MARCHF2: variants seen among roughly 807,000 people sequenced by gnomAD.
MARCHF2 encodes the protein membrane associated ring-CH-type finger 2.
Under a neutral mutation model 24.0 loss-of-function variants are expected in MARCHF2, and 22 were observed. That is an observed-to-expected ratio of 0.92 (90% CI 0.66 to 1.31). The LOEUF is 1.31. Among genes scored for constraint, MARCHF2 ranks in the 50% most tolerant of loss-of-function variants. The probability of loss-of-function intolerance (pLI) is 0.00; values close to 1 mark genes in which losing one functional copy is unlikely to be tolerated. For missense variants in MARCHF2, 301 were observed against 335.3 expected (o/e 0.90, Z 0.80); for synonymous variants, 154 against 153.0 (o/e 1.01, Z -0.05).
At chr19:8,422,285 TA>T (rs1967268131) in intron 2 of MARCHF2, among the ~76,000 whole-genome samples, 1 of 152,028 alleles carries the variant, frequency 6.6e-6, no homozygotes, top group South Asian at 2.1e-4. Flanking sequence ...GGAGGCAGTA[TA>T]GGGGGCGGTC....
intron 2 of MARCHF2, among the ~76,000 whole-genome samples, chr19:8,426,156 G>A (rs902824989): frequency 4.0e-5 from 6 of 150,890 alleles, no homozygotes; most frequent in South Asian, 2.1e-4. Flanking sequence ...GCGTGAACCC[G>A]GGAGGCGGAG....
intron 4 of MARCHF2, among the ~76,000 whole-genome samples, chr19:8,432,554 C>T (rs550931966): frequency 6.6e-5 from 10 of 151,678 alleles, no homozygotes; most frequent in African/African-American, 2.2e-4. Context: ...TTTAGGAGGC[C>T]GAGGTGGGAA....
intron 4 of MARCHF2, among the ~76,000 whole-genome samples, chr19:8,437,200 C>T (rs59294744): frequency 6.6e-6 from 1 of 151,678 alleles, no homozygotes; most frequent in Admixed American, 6.6e-5. Context: ...GGCTGGCCTT[C>T]GACTCCTGAG....
chr19:8,419,662 A>C (rs984197392), intron 1 of MARCHF2, among the ~76,000 whole-genome samples: 6 of 149,238 alleles, frequency 4.0e-5, no homozygotes, highest in Admixed American at 3.4e-4. Flanking sequence ...TAAAAATAGA[A>C]AAAATTAGCC....
intron 3 of MARCHF2, among the ~76,000 whole-genome samples, chr19:8,429,905 C>T (rs1472035618): frequency 6.7e-6 from 1 of 148,886 alleles, no homozygotes; most frequent in African/African-American, 2.5e-5. Flanking sequence ...GGCCCTGGAG[C>T]AAGACTTCCC....
rs200360606 is a variant in MARCHF2, at chr19:8,438,468, G to A, written c.663G>A (p.Ala221=). The A allele has an allele frequency of 8.1e-6, 13 of 1,613,988 alleles. No homozygotes were observed. The highest frequency in any genetic ancestry group is 1.1e-5 in the Non-Finnish European group (13 of 1,180,022). Residue 221 remains alanine (A), a synonymous_variant, in exon 5 of 5, where the codon GCG becomes GCA. Transcript: ENST00000215555. ...AAGTTCGCCTGAAGATCCGGGAGGC[G>A]GACAGCCCCGAGGGCCCCCAGCATT... The part of the protein sequence containing the change: ...NQKVRLKIRE[A]DSPEGPQHSP...
chr19:8,415,136 T>C (rs144441184), intron 1 of MARCHF2, among the ~76,000 whole-genome samples: 7,120 of 152,270 alleles, frequency 0.047, 205 homozygotes, highest in Middle Eastern at 0.14. Flanking sequence ...TGGTGGCTCA[T>C]GCCTGTAATC....
rs35027764 is a variant in MARCHF2, at chr19:8,435,828, CTGTGTGTGTGTGTGTGTG to C, written c.583-2539_583-2522del. Among the ~76,000 whole-genome samples the C allele has an allele frequency of 3.5e-5, 5 of 141,068 alleles. No individual in the cohort carries two copies. In the South Asian group the frequency reaches 9.5e-4, roughly 27 times the overall value. 92.5% of individuals were successfully genotyped at this position (141,068 alleles called of 152,430 possible). A position where few individuals can be genotyped will look rare whatever the true frequency, so the allele number is the denominator to read the frequency against. On this transcript the variant is annotated intron_variant, in intron 4 of 4. Transcript: ENST00000215555. ...ATAGGTGTGAGCCACTGCACCTGGC[CTGTGTGTGTGTGTGTGTG>C]TGTGTGTGTGTGTGTGTGTGGCGGG...
At chr19:8,416,232 C>T (rs1378851552) in intron 1 of MARCHF2, among the ~76,000 whole-genome samples, 1 of 151,404 alleles carries the variant, frequency 6.6e-6, no homozygotes, top group Non-Finnish European at 1.5e-5. Context: ...ATCCCAGCTA[C>T]TCGGGAGGCT....
At chr19:8,415,752 A>C (rs1317176882) in intron 1 of MARCHF2, among the ~76,000 whole-genome samples, 1 of 146,448 alleles carries the variant, frequency 6.8e-6, no homozygotes, top group East Asian at 2.2e-4. Context: ...AACAAAAAAA[A>C]AAACCAGACA....
intron 1 of MARCHF2, among the ~76,000 whole-genome samples, chr19:8,414,168 C>T (rs1967018987): frequency 6.6e-6 from 1 of 152,152 alleles, no homozygotes; most frequent in Non-Finnish European, 1.5e-5. Context: ...TGTGACCTCT[C>T]ATCAACAACT....
At chr19:8,421,382 C>CTTTTTTTTTTTTTTT (rs1254772289) in intron 1 of MARCHF2, among the ~76,000 whole-genome samples, 93 of 111,616 alleles carry the variant, frequency 8.3e-4, no homozygotes, top group South Asian at 1.5e-3. Context: ...TCTTTCTTTT[C>CTTTTTTTTTTTTTTT]TTTTTTTTTT....
At position 8,426,754 on chromosome 19, in the gene MARCHF2, C is replaced by G. The variant is rs1284453543; in HGVS notation, c.322C>G (p.Leu108Val). The change falls in exon 3 of 5, where the codon CTG (leucine) becomes GTG (valine). Residue 108 changes from leucine (L) to valine (V), a missense_variant. Leu to Val is a conservative substitution (Grantham distance 32, BLOSUM62 1). Coordinates refer to ENST00000215555, the MANE Select transcript of MARCHF2 (RefSeq NM_001005415.2). ...CTCATCTAACACCAGCTACTGCGAG[C>G]TGTGCCACACGGAGTTTGCAGTGGA... Reference protein sequence around the residue: ...LSSSNTSYCELCHTEFAVEKR... With the variant: ...LSSSNTSYCEVCHTEFAVEKR... 6.2e-6 allele frequency: 10 copies of G among 1,612,528 alleles called. No homozygotes were observed. In the Admixed American group the frequency reaches 1.5e-4, roughly 24 times the overall value.
chr19:8,420,195 A>ATAAT (rs1189423022), intron 1 of MARCHF2, among the ~76,000 whole-genome samples: 6 of 147,368 alleles, frequency 4.1e-5, no homozygotes, highest in South Asian at 4.3e-4. Context: ...AAATAAATAA[A>ATAAT]TAATTAGCTG....
At chr19:8,428,558 G>A (rs1445934466) in intron 3 of MARCHF2, among the ~76,000 whole-genome samples, 1 of 144,566 alleles carries the variant, frequency 6.9e-6, no homozygotes, top group Non-Finnish European at 1.5e-5. Flanking sequence ...GCTGAGGCAG[G>A]AGAATCACTT....
chr19:8,419,465 G>C (rs1253916432), intron 1 of MARCHF2, among the ~76,000 whole-genome samples: 1 of 151,658 alleles, frequency 6.6e-6, no homozygotes, highest in Non-Finnish European at 1.5e-5. Context: ...TTGCACTCCA[G>C]CCTGGGCAAC....
chr19:8,417,644 G>T (rs1599698630), intron 1 of MARCHF2, among the ~76,000 whole-genome samples: 2 of 151,604 alleles, frequency 1.3e-5, no homozygotes, highest in South Asian at 4.1e-4. Flanking sequence ...TGCCATGTTG[G>T]CCAGGCTGGT....
At chr19:8,419,906 C>A (rs1444449056) in intron 1 of MARCHF2, among the ~76,000 whole-genome samples, 1 of 149,734 alleles carries the variant, frequency 6.7e-6, no homozygotes, top group East Asian at 1.9e-4. Flanking sequence ...CACCTGTAAT[C>A]CTAGCACTTT....
intron 2 of MARCHF2, among the ~76,000 whole-genome samples, chr19:8,423,154 G>C (rs1293170485): frequency 6.7e-6 from 1 of 149,708 alleles, no homozygotes. Flanking sequence ...CTGCCTCCTG[G>C]GTTCAAGCGA....
Sources: gnomAD v4.1 joint callset for allele counts (sites outside exome capture counted in the v4.1 genomes callset) on GRCh38, gnomAD v4.1.1 for gene constraint, MANE v1.5 for transcripts, NCBI Gene and HGNC (gene_info 2026-07-23, HGNC 2026-07-21) for gene names.